Variants in LCOR observed in about 807,000 individuals in gnomAD.
LCOR encodes the protein ligand-dependent corepressor.
Under a neutral mutation model 64.4 loss-of-function variants are expected in LCOR, and 14 were observed. The observed-to-expected ratio is 0.22, with a 90% CI of 0.14 to 0.34. The LOEUF (loss-of-function observed/expected upper bound fraction) is 0.34, where lower values mean the gene tolerates loss of function less well. Ranked by LOEUF, LCOR falls within the 10% of genes least tolerant of loss-of-function variation. The pLI, the probability that LCOR is intolerant of heterozygous loss-of-function variation, is 1.00. For synonymous variants in LCOR, 643 were observed against 642.5 expected, an observed-to-expected ratio of 1.00 and a Z score of -0.01; for missense variants, 1,686 against 1,765.3, an observed-to-expected ratio of 0.96 and a Z score of 0.80.
chr10:96,851,308 A>T (rs1845718235), intron 2 of LCOR, among the ~76,000 whole-genome samples: 1 of 152,204 alleles, frequency 6.6e-6, no homozygotes, highest in East Asian at 1.9e-4. Flanking sequence ...CAACCGTGTA[A>T]CCAGGGTATC....
chr10:96,885,185 C>T (rs975035918), intron 2 of LCOR, among the ~76,000 whole-genome samples: 17 of 152,054 alleles, frequency 1.1e-4, no homozygotes, highest in East Asian at 1.9e-4. Context: ...ACTTAATTTA[C>T]GGAAATGCAG....
At chr10:96,931,268 C>G (rs950303554) in intron 4 of LCOR, among the ~76,000 whole-genome samples, 2 of 145,944 alleles carry the variant, frequency 1.4e-5, no homozygotes, top group African/African-American at 5.1e-5. Context: ...GAGTCTTGCT[C>G]TGTTTCCCAG....
chr10:96,916,916 CTA>C lies in LCOR; in HGVS notation c.-184+9171_-184+9172del, dbSNP rs76331031. On this transcript the variant is annotated intron_variant, in intron 4 of 7. Coordinates refer to ENST00000421806, the MANE Select transcript of LCOR (RefSeq NM_001346516.2). ...AGGCGTGAGCCACTGTGCCCAGCCTCTATGTGAGATTTAATAGAATGCAGAGT... is the reference window on the plus strand; with the variant it reads ...AGGCGTGAGCCACTGTGCCCAGCCTCTGTGAGATTTAATAGAATGCAGAGT... 9.9e-5 allele frequency among the ~76,000 whole-genome samples: 15 copies of C among 152,212 alleles called. No homozygotes were observed. In the East Asian group the frequency reaches 2.5e-3, roughly 25 times the overall value.
chr10:96,922,134 T>A (rs1195887491), intron 4 of LCOR, among the ~76,000 whole-genome samples: 3 of 152,166 alleles, frequency 2.0e-5, no homozygotes, highest in Admixed American at 2.0e-4. Context: ...AATGTGTAGA[T>A]CATTTTGGAT....
intron 4 of LCOR, among the ~76,000 whole-genome samples, chr10:96,918,381 A>G (rs962349325): frequency 2.0e-4 from 31 of 152,148 alleles, no homozygotes; most frequent in African/African-American, 7.5e-4. Context: ...TAGGTTCTCA[A>G]GAATTCTGGT....
In LCOR at chr10:96,839,753, A is replaced by G. The variant is rs535540732; in HGVS notation, c.-330+6274A>G. 3.3e-5 allele frequency among the ~76,000 whole-genome samples: 5 copies of G among 151,698 alleles called. No homozygotes were observed. In the South Asian group the frequency reaches 6.2e-4, roughly 19 times the overall value. ...CAGGTTGGACTGCAGTGGCGTGATC[A>G]TGGCTTATTGCAACCTCTGTCTTCC... On this transcript the variant is annotated intron_variant, in intron 2 of 7. Transcript: ENST00000421806.
intron 2 of LCOR, among the ~76,000 whole-genome samples, chr10:96,878,124 A>G (rs189208895): frequency 5.9e-5 from 9 of 152,332 alleles, no homozygotes; most frequent in South Asian, 2.1e-4. Flanking sequence ...AAAAGTAACA[A>G]TGCAGACCAT....
chr10:96,864,082 C>T (rs551097118), intron 2 of LCOR, among the ~76,000 whole-genome samples: 2 of 152,288 alleles, frequency 1.3e-5, no homozygotes, highest in East Asian at 3.9e-4. Context: ...GTTTATGAAC[C>T]TTATCGCCTA....
chr10:96,839,919 G>T (rs1271419940), intron 2 of LCOR, among the ~76,000 whole-genome samples: 1 of 152,116 alleles, frequency 6.6e-6, no homozygotes, highest in Non-Finnish European at 1.5e-5. Flanking sequence ...AACTCCTGAC[G>T]TTCCGCCTCT....
At chr10:96,944,021 C>A in intron 4 of LCOR, 92 bp from the exon 5 acceptor site, 1 of 758,554 alleles carries the variant, frequency 1.3e-6, no homozygotes, top group Non-Finnish European at 1.6e-6. Flanking sequence ...AATTAATTTG[C>A]CTTATTTGCT....
chr10:96,857,143 TGTA>T (rs751860921), intron 2 of LCOR, among the ~76,000 whole-genome samples: 22 of 152,252 alleles, frequency 1.4e-4, no homozygotes, highest in Non-Finnish European at 2.9e-4. Flanking sequence ...TAATTTTAAT[TGTA>T]GTTATTTCTA....
chr10:96,923,364 TA>T (rs767690672), intron 4 of LCOR, among the ~76,000 whole-genome samples: 12 of 152,182 alleles, frequency 7.9e-5, no homozygotes, highest in Non-Finnish European at 1.8e-4. Flanking sequence ...CAATATTACC[TA>T]AATTTGGAGA....
chr10:96,884,256 T>C (rs1422550233), intron 2 of LCOR, among the ~76,000 whole-genome samples: 3 of 152,210 alleles, frequency 2.0e-5, no homozygotes, highest in African/African-American at 4.8e-5. Flanking sequence ...ATTTTCTGTT[T>C]TAATTTCAAA....
At chr10:96,964,016 GTTTATA>G (rs1162901449) in intron 7 of LCOR, 5 of 152,184 alleles carry the variant, frequency 3.3e-5, no homozygotes, top group African/African-American at 7.2e-5. Flanking sequence ...TTGTACTGTA[GTTTATA>G]TTTATTTACA....
rs376945171 is a variant in LCOR, at chr10:96,949,040, C to T, written c.-18C>T. On this transcript the variant is annotated 5_prime_UTR_variant, in exon 6 of 8. Transcript: ENST00000421806. ...CTGGGTCTCCGACCCCAATATTCCC[C>T]TAGTGGCCCGTGAGATCATGCAGCG... is the stretch of plus-strand genomic sequence containing the variant. The T allele has an allele frequency of 1.5e-5, 24 of 1,613,594 alleles. No individual in the cohort carries two copies. Among genetic ancestry groups the T allele is most frequent in the Middle Eastern group, 1.7e-4 (1 of 6,056 alleles).
Position 96,983,848 on chromosome 10 carries a change from A to G in LCOR, c.3388A>G (p.Lys1130Glu), listed in dbSNP as rs1564646452. The G allele has an allele frequency of 6.2e-7, 1 of 1,614,170 alleles. No homozygotes were observed. The highest frequency in any genetic ancestry group is 8.5e-7 in the Non-Finnish European group (1 of 1,180,034). The change falls in exon 8 of 8, where the codon AAA becomes GAA. Residue 1130 changes from lysine (K) to glutamate (E), a missense_variant. Around this residue, in one of 3 missense-constraint regions of LCOR, gnomAD observed 1,293 missense variants for 1,410.4 expected, o/e 0.92. Coordinates refer to ENST00000421806, the MANE Select transcript of LCOR (RefSeq NM_001346516.2). This position sits in a 1 kb window ranked among gnomAD's most constrained non-coding sequence, Gnocchi z 4.5. Reference sequence around the variant, plus strand: ...TCAGAAGGGCTGGATCCAGTTGGAGAAAGAAGGACAGCCAACACCAAGAGC... The same window carrying G: ...TCAGAAGGGCTGGATCCAGTTGGAGGAAGAAGGACAGCCAACACCAAGAGC... Reference protein sequence around the residue: ...KVQKGWIQLEKEGQPTPRARN... With the variant: ...KVQKGWIQLEEEGQPTPRARN...
At chr10:96,837,760 G>T (rs1218148293) in intron 2 of LCOR, among the ~76,000 whole-genome samples, 1 of 152,160 alleles carries the variant, frequency 6.6e-6, no homozygotes, top group East Asian at 1.9e-4. Context: ...TGTGAAATGT[G>T]GCAATTAAAG....
Position 96,985,238 on chromosome 10 carries a change from C to T in LCOR, c.*104C>T. On this transcript the variant is annotated 3_prime_UTR_variant, in exon 8 of 8. Coordinates refer to ENST00000421806, the MANE Select transcript of LCOR (RefSeq NM_001346516.2). ...AAGCTTATCAAGCCTTTCAAATTTA[C>T]AGTTAATGGAGAACACCGTAATTTG... 1 of 1,354,820 alleles carries T rather than the reference C, an allele frequency of 7.4e-7. No homozygotes were observed. The highest frequency in any genetic ancestry group is 2.5e-5 in the East Asian group (1 of 39,332). 83.9% of individuals were successfully genotyped at this position (1,354,820 alleles called of 1,614,324 possible). A position where few individuals can be genotyped will look rare whatever the true frequency, so the allele number is the denominator to read the frequency against.
rs558982703 is a variant in LCOR, at chr10:96,851,704, G to A, written c.-330+18225G>A. Among the ~76,000 whole-genome samples the A allele has an allele frequency of 1.6e-4, 24 of 152,268 alleles. No individual in the cohort carries two copies. The South Asian group carries it at 1.9e-3, about 12-fold the overall frequency. On this transcript the variant is annotated intron_variant, in intron 2 of 7. Coordinates refer to ENST00000421806, the MANE Select transcript of LCOR (RefSeq NM_001346516.2). ...ACATTCTTAGAGGATCCACTTCTGGGTCTCTCAACTGCTTCTGATGTTTCT... is the reference window on the plus strand; with the variant it reads ...ACATTCTTAGAGGATCCACTTCTGGATCTCTCAACTGCTTCTGATGTTTCT...
Sources: gnomAD v4.1 joint callset for allele counts (sites outside exome capture counted in the v4.1 genomes callset) on GRCh38, gnomAD v4.1.1 for gene constraint, gnomAD v4.1.1 regional missense constraint, Gnocchi (gnomAD v3.1) non-coding constraint, MANE v1.5 for transcripts, NCBI Gene and HGNC (gene_info 2026-07-23, HGNC 2026-07-21) for gene names.